Variants in ZNF385B observed in about 807,000 individuals in gnomAD.
The protein encoded by ZNF385B is zinc finger protein 385B.
Under a neutral mutation model 39.2 loss-of-function variants are expected in ZNF385B, and 23 were observed. That is an observed-to-expected ratio of 0.59 (90% CI 0.42 to 0.83). ZNF385B has a LOEUF of 0.83. Among genes scored for constraint, ZNF385B ranks in the 40% least tolerant of loss-of-function variants. The pLI, the probability that ZNF385B is intolerant of heterozygous loss-of-function variation, is 0.00. For missense variants in ZNF385B, 552 were observed against 598.9 expected, an observed-to-expected ratio of 0.92 and a Z score of 0.82; for synonymous variants, 205 against 222.6, an observed-to-expected ratio of 0.92 and a Z score of 0.70.
At chr2:179,503,061 G>T (rs1257461593) in intron 5 of ZNF385B, among the ~76,000 whole-genome samples, 1 of 152,136 alleles carries the variant, frequency 6.6e-6, no homozygotes, top group Non-Finnish European at 1.5e-5. Flanking sequence ...TTTTTATAGA[G>T]ATGGGGTTTT....
At chr2:179,686,484 AAGG>A (rs1448546238) in intron 3 of ZNF385B, among the ~76,000 whole-genome samples, 1 of 152,212 alleles carries the variant, frequency 6.6e-6, no homozygotes, top group Non-Finnish European at 1.5e-5. Context: ...AGGAAGGCTG[AAGG>A]AGATCTGGGT....
intron 6 of ZNF385B, among the ~76,000 whole-genome samples, chr2:179,454,935 G>T (rs1477431903): frequency 6.6e-6 from 1 of 152,060 alleles, no homozygotes; most frequent in Non-Finnish European, 1.5e-5. Context: ...GCTGAAGAAA[G>T]AATTTTTCTA....
chr2:179,621,452 T>C (rs1690206399), intron 3 of ZNF385B, among the ~76,000 whole-genome samples: 1 of 152,162 alleles, frequency 6.6e-6, no homozygotes, highest in Non-Finnish European at 1.5e-5. Context: ...CAACAAAGTA[T>C]TTGGGAAGAG....
intron 6 of ZNF385B, among the ~76,000 whole-genome samples, chr2:179,479,627 G>C (rs2053784462): frequency 1.3e-5 from 2 of 152,072 alleles, no homozygotes; most frequent in African/African-American, 4.8e-5. Flanking sequence ...ATCACTTGAG[G>C]TCAGGAGTTG....
Position 179,443,396 on chromosome 2 carries a change from C to T in ZNF385B, c.1315G>A (p.Ala439Thr). ...GACAGCGCTGAGGACACGGCTGCCGCCGCTGCGAGAGGTGAGGACAGGAAG... is the reference window on the plus strand; with the variant it reads ...GACAGCGCTGAGGACACGGCTGCCGTCGCTGCGAGAGGTGAGGACAGGAAG... ...PAFLSSPLAA[A>T]AAVSSALSLP... The change falls in exon 10 of 10, where the codon GCG (alanine) becomes ACG (threonine). Residue 439 changes from alanine (A) to threonine (T), a missense_variant. By Grantham distance (58) the Ala-to-Thr change is moderately conservative (BLOSUM62 0). Coordinates refer to ENST00000410066, the MANE Select transcript of ZNF385B (RefSeq NM_152520.6). The T allele has an allele frequency of 1.9e-6, 3 of 1,611,818 alleles. No homozygotes were observed. The highest frequency in any genetic ancestry group is 2.5e-6 in the Non-Finnish European group (3 of 1,179,236).
intron 3 of ZNF385B, among the ~76,000 whole-genome samples, chr2:179,675,745 C>T (rs1183471408): frequency 6.6e-6 from 1 of 151,598 alleles, no homozygotes; most frequent in Non-Finnish European, 1.5e-5. Context: ...AGGCCACTTT[C>T]AAGAGTTGTA....
intron 4 of ZNF385B, among the ~76,000 whole-genome samples, chr2:179,542,747 A>G (rs1357598949): frequency 1.3e-5 from 2 of 152,164 alleles, no homozygotes; most frequent in Admixed American, 6.6e-5. Flanking sequence ...TAATCATATG[A>G]TCGCAATTGT....
At chr2:179,793,123 C>G (rs1441292809) in intron 1 of ZNF385B, among the ~76,000 whole-genome samples, 1 of 152,104 alleles carries the variant, frequency 6.6e-6, no homozygotes, top group African/African-American at 2.4e-5. Flanking sequence ...ATTAATGGCC[C>G]CTTTTCTTTG....
chr2:179,535,855 T>A (rs1478824468), intron 4 of ZNF385B, among the ~76,000 whole-genome samples: 3 of 152,118 alleles, frequency 2.0e-5, no homozygotes, highest in Admixed American at 2.0e-4. Flanking sequence ...ACTATAAAAG[T>A]AAAGGAACCA....
At chr2:179,669,109 G>T (rs1481259861) in intron 3 of ZNF385B, among the ~76,000 whole-genome samples, 1 of 152,152 alleles carries the variant, frequency 6.6e-6, no homozygotes, top group Non-Finnish European at 1.5e-5. Flanking sequence ...GTCAGAAGAT[G>T]CTTTAAAGGT....
intron 3 of ZNF385B, chr2:179,576,341 T>C (rs1441486494): frequency 4.3e-5 from 10 of 234,664 alleles, no homozygotes; most frequent in East Asian, 1.8e-4. Context: ...TTGACACATA[T>C]GTCCTGAGGG....
intron 1 of ZNF385B, among the ~76,000 whole-genome samples, chr2:179,851,715 T>C (rs1684175687): frequency 6.6e-6 from 1 of 152,218 alleles, no homozygotes; most frequent in Non-Finnish European, 1.5e-5. Context: ...GTCATTTTTG[T>C]TCATTTCATA....
intron 3 of ZNF385B, among the ~76,000 whole-genome samples, chr2:179,671,813 C>T (rs1410359187): frequency 6.6e-6 from 1 of 152,252 alleles, no homozygotes; most frequent in Admixed American, 6.5e-5. Flanking sequence ...GGGGGTGTGG[C>T]TGCCTCCACC....
chr2:179,729,244 C>T (rs900486055), intron 3 of ZNF385B, among the ~76,000 whole-genome samples: 7 of 150,842 alleles, frequency 4.6e-5, no homozygotes, highest in East Asian at 3.9e-4. Flanking sequence ...CAGGTAAAAA[C>T]GAAACACAGT....
At chr2:179,667,410 C>A (rs950241932) in intron 3 of ZNF385B, among the ~76,000 whole-genome samples, 13 of 152,162 alleles carry the variant, frequency 8.5e-5, no homozygotes, top group African/African-American at 2.4e-4. Flanking sequence ...CCCTCCCCCC[C>A]ACCATTTTGT....
chr2:179,716,072 T>G (rs916539008), intron 3 of ZNF385B, among the ~76,000 whole-genome samples: 1 of 152,196 alleles, frequency 6.6e-6, no homozygotes, highest in Non-Finnish European at 1.5e-5. Flanking sequence ...AGCAAACACA[T>G]GATTTTGTTA....
chr2:179,450,262 T>G (rs2049964785), intron 6 of ZNF385B, among the ~76,000 whole-genome samples: 1 of 152,092 alleles, frequency 6.6e-6, no homozygotes, highest in African/African-American at 2.4e-5. Context: ...GGGATCTAAT[T>G]AAACTCAAGA....
At chr2:179,487,747 G>A (rs73973292) in intron 5 of ZNF385B, among the ~76,000 whole-genome samples, 1 of 152,296 alleles carries the variant, frequency 6.6e-6, no homozygotes, top group African/African-American at 2.4e-5. Flanking sequence ...CCCTCCTAAA[G>A]TGCTGCTGTG....
chr2:179,825,759 C>T (rs1158809447), intron 1 of ZNF385B, among the ~76,000 whole-genome samples: 1 of 152,180 alleles, frequency 6.6e-6, no homozygotes, highest in Non-Finnish European at 1.5e-5. Flanking sequence ...TCTTGCTTCA[C>T]TGTGAGTCTC....
Sources: gnomAD v4.1 joint callset for allele counts (sites outside exome capture counted in the v4.1 genomes callset) on GRCh38, gnomAD v4.1.1 for gene constraint, MANE v1.5 for transcripts, NCBI Gene and HGNC (gene_info 2026-07-23, HGNC 2026-07-21) for gene names.